Variants in ERGIC1 observed in about 807,000 individuals in gnomAD.
The protein encoded by ERGIC1 is endoplasmic reticulum-golgi intermediate compartment 1, also known as endoplasmic reticulum-Golgi intermediate compartment protein 1.
Under a neutral mutation model 38.3 loss-of-function variants are expected in ERGIC1, and 19 were observed. The observed-to-expected ratio is 0.50, with a 90% confidence interval of 0.35 to 0.73. The LOEUF (loss-of-function observed/expected upper bound fraction) is 0.73. ERGIC1 is among the 30% of genes least tolerant of loss of function. The probability of loss-of-function intolerance (pLI) is 0.01; values close to 1 mark genes in which losing one functional copy is unlikely to be tolerated. For synonymous variants in ERGIC1, 124 were observed against 157.6 expected, an observed-to-expected ratio of 0.79 and a Z score of 1.60; for missense variants, 294 against 389.2, an observed-to-expected ratio of 0.76 and a Z score of 2.06.
chr5:172,854,759 A>C (rs1206693495), intron 1 of ERGIC1, among the ~76,000 whole-genome samples: 3 of 152,270 alleles, frequency 2.0e-5, no homozygotes. Context: ...TGTTTTGACA[A>C]ATCTTTCTTA....
intron 1 of ERGIC1, among the ~76,000 whole-genome samples, chr5:172,839,240 C>CAAAA (rs1265161853): frequency 1.4e-5 from 1 of 71,122 alleles, no homozygotes; most frequent in Non-Finnish European, 2.9e-5. Context: ...GACTCTGTCT[C>CAAAA]AAAAAAAAAA....
intron 1 of ERGIC1, among the ~76,000 whole-genome samples, chr5:172,885,671 G>A (rs1762399161): frequency 6.6e-6 from 1 of 152,000 alleles, no homozygotes; most frequent in Middle Eastern, 3.2e-3. Context: ...AAGTTGGGGT[G>A]GAGTGAGGAC....
intron 7 of ERGIC1, among the ~76,000 whole-genome samples, chr5:172,931,681 C>T (rs1581583401): frequency 1.3e-5 from 2 of 152,158 alleles, no homozygotes; most frequent in African/African-American, 4.8e-5. Context: ...ATCCTGCCTT[C>T]CTCCCCAGAA....
intron 1 of ERGIC1, among the ~76,000 whole-genome samples, chr5:172,883,905 C>G (rs1438229576): frequency 6.6e-6 from 1 of 152,158 alleles, no homozygotes; most frequent in Non-Finnish European, 1.5e-5. Context: ...ATCGCCTGAG[C>G]CTTGGGAGGT....
intron 5 of ERGIC1, among the ~76,000 whole-genome samples, chr5:172,920,143 C>G (rs1366915688): frequency 6.6e-6 from 1 of 152,170 alleles, no homozygotes; most frequent in African/African-American, 2.4e-5. Flanking sequence ...TGCCCCAGGT[C>G]ACAGCCTAGG....
intron 2 of ERGIC1, among the ~76,000 whole-genome samples, chr5:172,889,090 G>A (rs1762494991): frequency 6.6e-6 from 1 of 152,126 alleles, no homozygotes; most frequent in Non-Finnish European, 1.5e-5. Context: ...TTCGAGACCA[G>A]GCTGACCAAC....
At chr5:172,839,776 C>G (rs946369076) in intron 1 of ERGIC1, among the ~76,000 whole-genome samples, 2 of 152,156 alleles carry the variant, frequency 1.3e-5, no homozygotes, top group Non-Finnish European at 2.9e-5. Flanking sequence ...CACAGTCCTA[C>G]AAGGGAGGTG....
intron 1 of ERGIC1, among the ~76,000 whole-genome samples, chr5:172,856,088 C>T (rs985892398): frequency 6.6e-6 from 1 of 152,158 alleles, no homozygotes; most frequent in Non-Finnish European, 1.5e-5. Flanking sequence ...GGTCTCTTGG[C>T]AGGAGAGACC....
intron 1 of ERGIC1, among the ~76,000 whole-genome samples, chr5:172,840,311 G>A (rs1761130365): frequency 6.6e-6 from 1 of 152,164 alleles, no homozygotes; most frequent in Non-Finnish European, 1.5e-5. Context: ...GCTGTGTCCT[G>A]GTTAAGTTAC....
chr5:172,947,490 G>A (rs1764149536), intron 9 of ERGIC1, among the ~76,000 whole-genome samples: 1 of 152,170 alleles, frequency 6.6e-6, no homozygotes, highest in Non-Finnish European at 1.5e-5. Context: ...TCAGCTTTGA[G>A]GAAACCCCCC....
In ERGIC1 at chr5:172,933,540, C is replaced by T. The variant is rs550770614; in HGVS notation, c.642+1004C>T. Reference sequence around the variant, plus strand: ...AGAGCCTGGCTTCTTGATCACCTCACGCCTCGGTCTGAGGAAGGGGCTGTG... The same window carrying T: ...AGAGCCTGGCTTCTTGATCACCTCATGCCTCGGTCTGAGGAAGGGGCTGTG... On this transcript the variant is annotated intron_variant, in intron 8 of 9. Coordinates refer to ENST00000393784, the MANE Select transcript of ERGIC1 (RefSeq NM_001031711.3). 3.3e-5 allele frequency: 5 copies of T among 152,348 alleles called. No homozygotes were observed. The East Asian group carries it at 5.8e-4, about 18-fold the overall frequency. The allele number at this position is 152,348 out of a possible 1,614,324, so 9.4% of individuals were successfully genotyped here. A position where few individuals can be genotyped will look rare whatever the true frequency, so the allele number is the denominator to read the frequency against.
chr5:172,920,516 T>G (rs1377265278), intron 5 of ERGIC1: 5 of 708,586 alleles, frequency 7.1e-6, no homozygotes. Context: ...TCCAGCTATA[T>G]GTTTTTAAAA....
chr5:172,837,296 C>A lies in ERGIC1; in HGVS notation c.20+2863C>A, dbSNP rs566500110. On this transcript the variant is annotated intron_variant, in intron 1 of 9. Coordinates refer to ENST00000393784, the MANE Select transcript of ERGIC1 (RefSeq NM_001031711.3). The surrounding 1 kb of genome is among the most constrained non-coding windows in gnomAD (Gnocchi z 4.3). ...GAGGAGAGTACTCACCGAAGTAGAACAGTTGAGGGATGAGGCAGTGCGGAA... is the reference window on the plus strand; with the variant it reads ...GAGGAGAGTACTCACCGAAGTAGAAAAGTTGAGGGATGAGGCAGTGCGGAA... Among the ~76,000 whole-genome samples, 1 of 152,194 alleles carries A rather than the reference C, an allele frequency of 6.6e-6. No individual in the cohort carries two copies. The highest frequency in any genetic ancestry group is 2.4e-5 in the African/African-American group (1 of 41,434).
chr5:172,841,312 G>A (rs1581503006), intron 1 of ERGIC1, among the ~76,000 whole-genome samples: 1 of 152,266 alleles, frequency 6.6e-6, no homozygotes, highest in South Asian at 2.1e-4. Context: ...GGACATGTGG[G>A]GTCCTTTACA....
At chr5:172,925,336 T>C (rs888398227) in intron 6 of ERGIC1, among the ~76,000 whole-genome samples, 16 of 152,334 alleles carry the variant, frequency 1.1e-4, no homozygotes, top group Admixed American at 7.2e-4. Flanking sequence ...CCTTCTTGTC[T>C]CTGTAACCAC....
At chr5:172,860,912 C>T (rs1761681306) in intron 1 of ERGIC1, among the ~76,000 whole-genome samples, 1 of 152,152 alleles carries the variant, frequency 6.6e-6, no homozygotes, top group East Asian at 1.9e-4. Context: ...GAGGAAGGGC[C>T]GGCGAGAGCG....
intron 1 of ERGIC1, among the ~76,000 whole-genome samples, chr5:172,847,038 G>A (rs763338247): frequency 2.6e-4 from 39 of 152,294 alleles, no homozygotes; most frequent in Non-Finnish European, 4.7e-4. Context: ...TGCAACACAC[G>A]TTTATTTTTT....
At chr5:172,863,505 C>T (rs562887590) in intron 1 of ERGIC1, among the ~76,000 whole-genome samples, 6 of 152,252 alleles carry the variant, frequency 3.9e-5, no homozygotes, top group East Asian at 3.9e-4. Context: ...CCCTTGGGCG[C>T]GATCAGCCGC....
At chr5:172,870,067 C>T (rs1056599766) in intron 1 of ERGIC1, among the ~76,000 whole-genome samples, 7 of 152,194 alleles carry the variant, frequency 4.6e-5, no homozygotes, top group Non-Finnish European at 1.0e-4. Context: ...CTCTCTCTCT[C>T]TTCTTGCTGT....
Sources: gnomAD v4.1 joint callset for allele counts (sites outside exome capture counted in the v4.1 genomes callset) on GRCh38, gnomAD v4.1.1 for gene constraint, Gnocchi (gnomAD v3.1) non-coding constraint, MANE v1.5 for transcripts, NCBI Gene and HGNC (gene_info 2026-07-23, HGNC 2026-07-21) for gene names.